The following ADGRL3 variants were observed in gnomAD, a reference collection of about 807,000 sequenced individuals.
ADGRL3 encodes the protein calcium-independent alpha-latrotoxin receptor 3.
Under a neutral mutation model 153.5 loss-of-function variants are expected in ADGRL3, and 62 were observed. The ratio of observed to expected loss-of-function variants is 0.40; its 90% confidence interval spans 0.33 to 0.50. The LOEUF (loss-of-function observed/expected upper bound fraction) is 0.50, where lower values mean the gene tolerates loss of function less well. Ranked by LOEUF, ADGRL3 falls within the 20% of genes least tolerant of loss-of-function variation. The probability of loss-of-function intolerance (pLI) is 0.47; values close to 1 mark genes in which losing one functional copy is unlikely to be tolerated. For synonymous variants in ADGRL3, 710 were observed against 672.5 expected (o/e 1.06, Z -0.86); for missense variants, 1,641 against 1,859.4 (o/e 0.88, Z 2.16).
chr4:61,766,392 C>T (rs138574396), intron 8 of ADGRL3, among the ~76,000 whole-genome samples: 2,290 of 152,202 alleles, frequency 0.015, 72 homozygotes, highest in African/African-American at 0.051. Context: ...TGCATGCAGA[C>T]ATGAGGGCTA....
chr4:61,683,785 C>G, intron 6 of ADGRL3, among the ~76,000 whole-genome samples: 1 of 152,068 alleles, frequency 6.6e-6, no homozygotes, highest in East Asian at 1.9e-4. Flanking sequence ...TCACTGGGGA[C>G]CCACCCCTAT....
intron 1 of ADGRL3, among the ~76,000 whole-genome samples, chr4:61,331,743 G>C (rs2095577308): frequency 1.3e-5 from 2 of 152,028 alleles, no homozygotes; most frequent in South Asian, 4.1e-4. Context: ...GTCAATAATA[G>C]TTTTAGTCAT....
intron 1 of ADGRL3, among the ~76,000 whole-genome samples, chr4:61,369,422 G>A (rs1223337734): frequency 6.6e-6 from 1 of 152,120 alleles, no homozygotes; most frequent in Non-Finnish European, 1.5e-5. Flanking sequence ...CTAATTTATT[G>A]AGAGTTTTTA....
intron 5 of ADGRL3, among the ~76,000 whole-genome samples, chr4:61,596,919 T>A (rs996062829): frequency 2.6e-5 from 4 of 152,178 alleles, no homozygotes; most frequent in African/African-American, 9.7e-5. Flanking sequence ...ATGCATTAAT[T>A]GATAATGGTT....
At chr4:61,407,847 G>T (rs1299531804) in intron 2 of ADGRL3, among the ~76,000 whole-genome samples, 2 of 152,128 alleles carry the variant, frequency 1.3e-5, no homozygotes, top group Non-Finnish European at 2.9e-5. Flanking sequence ...GAGAATGAAT[G>T]AATACATGAC....
intron 15 of ADGRL3, among the ~76,000 whole-genome samples, chr4:61,946,548 T>C (rs1421652137): frequency 6.6e-6 from 1 of 152,186 alleles, no homozygotes; most frequent in Non-Finnish European, 1.5e-5. Flanking sequence ...TATCATTTTA[T>C]GATAAATGTT....
chr4:61,464,068 A>G (rs1334549918), intron 2 of ADGRL3, among the ~76,000 whole-genome samples: 1 of 152,170 alleles, frequency 6.6e-6, no homozygotes. Flanking sequence ...CAATTAATAA[A>G]AAATGGTTTG....
intron 9 of ADGRL3, among the ~76,000 whole-genome samples, chr4:61,846,696 C>T (rs1038036562): frequency 2.6e-5 from 4 of 151,946 alleles, no homozygotes; most frequent in African/African-American, 7.3e-5. Context: ...TTAATTGGCT[C>T]ACAATTCTGC....
rs1183918537 is a variant in ADGRL3 at position 62,073,657 on chromosome 4, T to C, written c.*2749T>C. 6.6e-6 allele frequency: 1 copy of C among 152,144 alleles called. No individual in the cohort carries two copies. Among genetic ancestry groups the C allele is most frequent in the African/African-American group, 2.4e-5 (1 of 41,444 alleles). 9.4% of individuals were successfully genotyped at this position (152,144 alleles called of 1,614,324 possible). A position where few individuals can be genotyped will look rare whatever the true frequency, so the allele number is the denominator to read the frequency against. Reference sequence around the variant, plus strand: ...TTGCTACCTCCCTGCCCATTATTTTTGTGTTTCTATATGGAAATTTGAAGC... The same window carrying C: ...TTGCTACCTCCCTGCCCATTATTTTCGTGTTTCTATATGGAAATTTGAAGC... On this transcript the variant is annotated 3_prime_UTR_variant, in exon 27 of 27. Coordinates refer to ENST00000683033, the MANE Select transcript of ADGRL3 (RefSeq NM_001387552.1).
chr4:61,316,718 A>C (rs2095225810), intron 1 of ADGRL3, among the ~76,000 whole-genome samples: 1 of 152,192 alleles, frequency 6.6e-6, no homozygotes, highest in Non-Finnish European at 1.5e-5. Flanking sequence ...GTCAACTGTA[A>C]AAAGAACTGG....
At chr4:61,897,776 A>G (rs188762386) in intron 11 of ADGRL3, among the ~76,000 whole-genome samples, 4 of 152,080 alleles carry the variant, frequency 2.6e-5, no homozygotes, top group African/African-American at 9.6e-5. Flanking sequence ...CCTTCCTCTC[A>G]TTGTAATACC....
chr4:61,474,454 GTAAT>G (rs1338109290), intron 2 of ADGRL3, among the ~76,000 whole-genome samples: 1 of 152,044 alleles, frequency 6.6e-6, no homozygotes, highest in East Asian at 1.9e-4. Flanking sequence ...GGACACTGAG[GTAAT>G]TTATTTATTC....
At position 61,497,339 on chromosome 4, in the gene ADGRL3, A is replaced by G. The variant is rs1224845159; in HGVS notation, c.46A>G (p.Ile16Val). 7 of 1,604,632 alleles carry G rather than the reference A, an allele frequency of 4.4e-6. No individual in the cohort carries two copies. The highest frequency in any genetic ancestry group is 1.7e-5 in the Admixed American group (1 of 57,662). The change falls in exon 3 of 27, where the codon ATA (isoleucine) becomes GTA (valine). Residue 16 changes from isoleucine to valine, a missense_variant. Physicochemically the swap from Ile to Val is conservative, Grantham distance 29. Transcript: ENST00000683033. ...AATTTTCATGATGCTCTTAGCTCCA[A>G]TAATTCATGGTAAGATTTTTCAGAT... ...LLIFMMLLAP[I>V]IHGGKHSERH...
At chr4:61,335,711 A>G (rs1034646197) in intron 1 of ADGRL3, among the ~76,000 whole-genome samples, 5 of 152,216 alleles carry the variant, frequency 3.3e-5, no homozygotes, top group African/African-American at 4.8e-5. Flanking sequence ...CTGCACTTAT[A>G]TACCTCTAGG....
At position 61,202,097 on chromosome 4, in the gene ADGRL3, A is replaced by G. The variant is rs1577835718; in HGVS notation, c.-240+332A>G. On this transcript the variant is annotated intron_variant, in intron 1 of 26. Transcript: ENST00000683033. This position sits in a 1 kb window ranked among gnomAD's most constrained non-coding sequence, Gnocchi z 5.0. ...GAATAGGAACAGTTCCCACCCCGTT[A>G]ATTTTCCCTCTCCTCTCACCCCAGT... The G allele has an allele frequency of 6.6e-6, 1 of 152,446 alleles. No individual in the cohort carries two copies. Among genetic ancestry groups the G allele is most frequent in the African/African-American group, 2.4e-5 (1 of 41,426 alleles). 9.4% of individuals were successfully genotyped at this position (152,446 alleles called of 1,614,324 possible).
intron 6 of ADGRL3, among the ~76,000 whole-genome samples, chr4:61,698,178 G>A (rs1033439463): frequency 8.5e-5 from 13 of 152,148 alleles, no homozygotes; most frequent in Non-Finnish European, 1.5e-4. Flanking sequence ...GAGGCCGGGC[G>A]TGGTGGCTCA....
At chr4:61,546,087 G>A (rs80153511) in intron 4 of ADGRL3, among the ~76,000 whole-genome samples, 3,180 of 152,178 alleles carry the variant, frequency 0.021, 43 homozygotes, top group Non-Finnish European at 0.031. Flanking sequence ...CTTCTGGCTA[G>A]TGTCACTGCT....
chr4:61,504,253 C>T lies in ADGRL3; in HGVS notation c.55+6905C>T, dbSNP rs112216777. Among the ~76,000 whole-genome samples the T allele has an allele frequency of 3.1e-3, 472 of 152,324 alleles. 2 individuals are homozygous for T. The highest frequency in any genetic ancestry group is 0.011 in the African/African-American group (449 of 41,574). On this transcript the variant is annotated intron_variant, in intron 3 of 26. Coordinates refer to ENST00000683033, the MANE Select transcript of ADGRL3 (RefSeq NM_001387552.1). The stretch of plus-strand genomic sequence containing the variant: ...CCAGCAATCCTCCTGCCTTGACCTC[C>T]CAGAGCACTGGGATTACGGGTGTGA...
chr4:61,567,367 T>C (rs1465011505), intron 4 of ADGRL3, among the ~76,000 whole-genome samples: 1 of 152,188 alleles, frequency 6.6e-6, no homozygotes, highest in African/African-American at 2.4e-5. Context: ...TGAAAACTAA[T>C]GACCAATATG....
Sources: allele counts gnomAD v4.1 joint callset (sites outside exome capture counted in the v4.1 genomes callset), GRCh38; gene constraint gnomAD v4.1.1; non-coding constraint Gnocchi (gnomAD v3.1); transcripts MANE v1.5; gene names NCBI Gene and HGNC (gene_info 2026-07-23, HGNC 2026-07-21).